The following TBL1XR1 variants were observed in gnomAD, a reference collection of about 807,000 sequenced individuals.
TBL1XR1 encodes the protein TBL1X/Y related 1.
In TBL1XR1, 5 loss-of-function variants were observed where a neutral mutation model predicts 66.9. The ratio of observed to expected loss-of-function variants is 0.07; its 90% CI spans 0.04 to 0.16. The LOEUF (loss-of-function observed/expected upper bound fraction) is 0.16, where lower values mean the gene tolerates loss of function less well. Ranked by LOEUF, TBL1XR1 falls within the 10% of genes least tolerant of loss-of-function variation. The pLI, the probability that TBL1XR1 is intolerant of heterozygous loss-of-function variation, is 1.00. For missense variants in TBL1XR1, 238 were observed against 623.2 expected (o/e 0.38, Z 6.58); for synonymous variants, 210 against 206.0 (o/e 1.02, Z -0.17).
chr3:177,051,699 T>C lies in TBL1XR1; in HGVS notation c.232A>G (p.Ile78Val), dbSNP rs935282343. 1 of 1,593,464 alleles carries C rather than the reference T, an allele frequency of 6.3e-7. No individual in the cohort carries two copies. The change falls in exon 5 of 16, where the codon ATA becomes GTA. Residue 78 changes from isoleucine (I) to valine (V), a missense_variant. Coordinates refer to ENST00000457928, the MANE Select transcript of TBL1XR1 (RefSeq NM_024665.7). The stretch of plus-strand genomic sequence containing the variant: ...GCATCTATCAGGGACAGAGACTCTA[T>C]TGGTCGACCATCAAACAAGGTACCA... ...EDGTLFDGRP[I>V]ESLSLIDAVM...
chr3:177,163,543 T>G (rs1392969840), intron 1 of TBL1XR1, among the ~76,000 whole-genome samples: 1 of 150,598 alleles, frequency 6.6e-6, no homozygotes, highest in Admixed American at 6.6e-5. Flanking sequence ...TGTGTAGATG[T>G]GAGAAGATGT....
chr3:177,155,285 T>A (rs1731356690), intron 1 of TBL1XR1, among the ~76,000 whole-genome samples: 1 of 152,234 alleles, frequency 6.6e-6, no homozygotes, highest in African/African-American at 2.4e-5. Context: ...TTTGAACAAA[T>A]CAATAAAACT....
At chr3:177,050,837 T>TGGGGGG (rs1716975067) in intron 5 of TBL1XR1, among the ~76,000 whole-genome samples, 1 of 73,012 alleles carries the variant, frequency 1.4e-5, no homozygotes, top group African/African-American at 5.4e-5. Context: ...GGGGTGGGGG[T>TGGGGGG]GGGAGTGGGA....
rs2108358947 is a variant in TBL1XR1, at chr3:177,021,284, ATAAG to A, written c.*4210_*4213del. 1 of 152,644 alleles carries A rather than the reference ATAAG, an allele frequency of 6.6e-6. No homozygotes were observed. Among genetic ancestry groups the A allele is most frequent in the African/African-American group, 2.4e-5 (1 of 41,544 alleles). 9.5% of individuals were successfully genotyped at this position (152,644 alleles called of 1,614,324 possible). ...TGTGTTTTTGTTTGTAATGAGATGG[ATAAG>A]TACATCAGACTAGATACAACATGCA... On this transcript the variant is annotated 3_prime_UTR_variant, in exon 16 of 16. Coordinates refer to ENST00000457928, the MANE Select transcript of TBL1XR1 (RefSeq NM_024665.7).
Position 177,022,387 on chromosome 3 carries a change from C to T in TBL1XR1, c.*3111G>A, listed in dbSNP as rs1454229281. On this transcript the variant is annotated 3_prime_UTR_variant, in exon 16 of 16. Transcript: ENST00000457928. ...TCTATTAGGAAATTAAGAGTTATCA[C>T]TTCTAAAAGTCATTTGAAAGTCAAT... The T allele has an allele frequency of 6.6e-6, 1 of 152,370 alleles. No individual in the cohort carries two copies. Among genetic ancestry groups the T allele is most frequent in the Non-Finnish European group, 1.5e-5 (1 of 67,934 alleles). 9.4% of individuals were successfully genotyped at this position (152,370 alleles called of 1,614,324 possible). A position where few individuals can be genotyped will look rare whatever the true frequency, so the allele number is the denominator to read the frequency against.
chr3:177,197,830 C>A (rs1466893575), upstream of TBL1XR1, among the ~76,000 whole-genome samples: 3 of 147,566 alleles, frequency 2.0e-5, no homozygotes, highest in Non-Finnish European at 4.5e-5. Flanking sequence ...TCGAAGGCGC[C>A]TCGGGGCCCC....
At chr3:177,036,678 A>G (rs1576989787) in intron 12 of TBL1XR1, among the ~76,000 whole-genome samples, 1 of 152,346 alleles carries the variant, frequency 6.6e-6, no homozygotes, top group South Asian at 2.1e-4. Context: ...GAGTATTAAT[A>G]CTAGCAATTT....
chr3:177,091,377 CTAT>C (rs1346384792), intron 2 of TBL1XR1, among the ~76,000 whole-genome samples: 1 of 151,704 alleles, frequency 6.6e-6, no homozygotes, highest in Non-Finnish European at 1.5e-5. Flanking sequence ...ACATTATTTT[CTAT>C]TATGTTTACA....
intron 1 of TBL1XR1, among the ~76,000 whole-genome samples, chr3:177,110,416 G>A (rs1024949481): frequency 9.2e-5 from 14 of 152,104 alleles, no homozygotes; most frequent in Admixed American, 6.6e-4. Context: ...CCACCATTAC[G>A]AATTTAAAAT....
At chr3:177,049,935 A>G in intron 7 of TBL1XR1, 62 bp downstream of exon 7, 1 of 1,568,776 alleles carries the variant, frequency 6.4e-7, no homozygotes, top group East Asian at 2.3e-5. Flanking sequence ...TGCCGTGAGT[A>G]TGAGGCTCTG....
chr3:177,088,721 A>AAG (rs71717100), intron 2 of TBL1XR1, among the ~76,000 whole-genome samples: 1 of 94,116 alleles, frequency 1.1e-5, no homozygotes, highest in East Asian at 7.5e-4. Context: ...AAAAAAAAAA[A>AAG]AAAGAAAAGA....
intron 12 of TBL1XR1, among the ~76,000 whole-genome samples, chr3:177,034,774 T>C (rs1418046781): frequency 1.4e-5 from 2 of 147,914 alleles, no homozygotes; most frequent in Non-Finnish European, 3.0e-5. Context: ...AAAAGTAGCA[T>C]AGGAAATAAA....
intron 2 of TBL1XR1, among the ~76,000 whole-genome samples, chr3:177,083,748 T>A (rs1485374496): frequency 1.3e-5 from 2 of 152,196 alleles, no homozygotes. Flanking sequence ...ATACTGCAAC[T>A]TGCCCATCAA....
At chr3:177,112,102 T>TAC (rs1560188807) in intron 1 of TBL1XR1, among the ~76,000 whole-genome samples, 1 of 57,704 alleles carries the variant, frequency 1.7e-5, no homozygotes, top group African/African-American at 1.2e-4. Context: ...TATATATATA[T>TAC]ATATATTTTT....
At position 177,021,526 on chromosome 3, in the gene TBL1XR1, C is replaced by T. The variant is rs529866238; in HGVS notation, c.*3972G>A. On this transcript the variant is annotated 3_prime_UTR_variant, in exon 16 of 16. Coordinates refer to ENST00000457928, the MANE Select transcript of TBL1XR1 (RefSeq NM_024665.7). ...TTAAAAAAGTGAACACTTCCTCTTT[C>T]TTCTCTCTTCTACATTTAACTAGAA... 6.6e-6 allele frequency: 1 copy of T among 152,530 alleles called. No individual in the cohort carries two copies. The highest frequency in any genetic ancestry group is 1.5e-5 in the Non-Finnish European group (1 of 67,988). 9.4% of individuals were successfully genotyped at this position (152,530 alleles called of 1,614,324 possible). A position where few individuals can be genotyped will look rare whatever the true frequency, so the allele number is the denominator to read the frequency against.
chr3:177,105,017 T>C lies in TBL1XR1; in HGVS notation c.-121-6476A>G, dbSNP rs559252297. On this transcript the variant is annotated intron_variant, in intron 1 of 15. Coordinates refer to ENST00000457928, the MANE Select transcript of TBL1XR1 (RefSeq NM_024665.7). ...GCTAACATAAGTCAAGTGTATTACT[T>C]AGGCACTAACGCCTATGCATCAAAA... is the stretch of plus-strand genomic sequence containing the variant. Among the ~76,000 whole-genome samples the C allele has an allele frequency of 4.1e-4, 62 of 152,344 alleles. 1 individual carries two copies. Among genetic ancestry groups the C allele is most frequent in the African/African-American group, 1.4e-3 (58 of 41,590 alleles).
chr3:177,044,616 T>A (rs999179291), intron 10 of TBL1XR1, among the ~76,000 whole-genome samples: 12 of 152,256 alleles, frequency 7.9e-5, no homozygotes, highest in Admixed American at 2.6e-4. Context: ...TATGTCAAAA[T>A]ATATCAAATG....
chr3:177,151,293 A>G (rs1442115669), intron 1 of TBL1XR1, among the ~76,000 whole-genome samples: 2 of 152,218 alleles, frequency 1.3e-5, no homozygotes, highest in African/African-American at 4.8e-5. Flanking sequence ...GTGTGTATCA[A>G]AAGCAGTATT....
At chr3:177,056,535 A>G (rs539807934) in intron 3 of TBL1XR1, among the ~76,000 whole-genome samples, 4 of 152,276 alleles carry the variant, frequency 2.6e-5, no homozygotes, top group South Asian at 2.1e-4. Flanking sequence ...ACTTCTCACT[A>G]ATGTTTACCC....
Sources: gnomAD v4.1 joint callset for allele counts (sites outside exome capture counted in the v4.1 genomes callset) on GRCh38, gnomAD v4.1.1 for gene constraint, MANE v1.5 for transcripts, NCBI Gene and HGNC (gene_info 2026-07-23, HGNC 2026-07-21) for gene names.